The following PVT1 variants were observed in gnomAD, a reference collection of about 807,000 sequenced individuals.
PVT1 encodes the protein CXCR4/PVT1 fusion.
chr8:128,060,905 C>CTT (rs35320355), intron 4 of PVT1, among the ~76,000 whole-genome samples: 6,573 of 123,554 alleles, frequency 0.053, 435 homozygotes, highest in East Asian at 0.18. Context: ...TAGGCAACTA[C>CTT]TTTTTTTTTT....
At chr8:128,063,643 C>T (rs1813860905) in intron 4 of PVT1, among the ~76,000 whole-genome samples, 1 of 152,062 alleles carries the variant, frequency 6.6e-6, no homozygotes, top group South Asian at 2.1e-4. Context: ...TGATCTCACT[C>T]ATATGTGAAA....
At chr8:127,820,848 A>G (rs1225339741) in intron 2 of PVT1, among the ~76,000 whole-genome samples, 1 of 152,068 alleles carries the variant, frequency 6.6e-6, no homozygotes, top group African/African-American at 2.4e-5. Flanking sequence ...TAGCTGGATT[A>G]CAGACATGCA....
chr8:127,918,462 T>A (rs6470590), intron 3 of PVT1, among the ~76,000 whole-genome samples: 1 of 152,096 alleles, frequency 6.6e-6, no homozygotes. Context: ...ATAACATTAC[T>A]ACCAACGACG....
At position 127,965,395 on chromosome 8, in the gene PVT1, TCAGA is replaced by T. The variant is rs538397349; in HGVS notation, n.783-23762_783-23759del. 2.9e-3 allele frequency among the ~76,000 whole-genome samples: 439 copies of T among 152,280 alleles called. 2 individuals are homozygous for T. The highest frequency in any genetic ancestry group is 5.0e-3 in the Non-Finnish European group (337 of 68,024). ...CAGGCTCCCCCTACCCCTCACAGCG[TCAGA>T]CAGAGAGTTTACCATGGGGCTGGAC... On this transcript the variant is annotated intron_variant and non_coding_transcript_variant, in intron 3 of 10. Transcript: ENST00000651587.
chr8:128,072,806 A>G (rs1447641229), intron 5 of PVT1, among the ~76,000 whole-genome samples: 1 of 151,818 alleles, frequency 6.6e-6, no homozygotes, highest in East Asian at 1.9e-4. Context: ...CCACTTGAGC[A>G]CTTTTATTTT....
Position 128,067,953 on chromosome 8 carries a change from GT to G in PVT1, n.913-2194del, listed in dbSNP as rs34269945. On this transcript the variant is annotated intron_variant and non_coding_transcript_variant, in intron 4 of 10. Coordinates refer to ENST00000651587, the Ensembl canonical transcript of PVT1. ...CTATTCTTGGACTAACATACTTTGT[GT>G]TTTTTTTTTTTTGGTTATCTTATTT... Among the ~76,000 whole-genome samples, 136 of 142,644 alleles carry G rather than the reference GT, an allele frequency of 9.5e-4. 1 individual carries two copies. Among genetic ancestry groups the G allele is most frequent in the East Asian group, 2.0e-3 (10 of 4,910 alleles). The allele number at this position is 142,644 out of a possible 152,430, so 93.6% of individuals were successfully genotyped here.
At chr8:127,826,014 C>CTTTTTTTTTT (rs57575268) in intron 2 of PVT1, among the ~76,000 whole-genome samples, 12 of 89,666 alleles carry the variant, frequency 1.3e-4, no homozygotes, top group African/African-American at 2.8e-4. Flanking sequence ...CCATGCCCAG[C>CTTTTTTTTTT]TTTTTTTTTT....
chr8:127,879,866 G>A (rs1372357596), intron 2 of PVT1, among the ~76,000 whole-genome samples: 2 of 152,220 alleles, frequency 1.3e-5, no homozygotes, highest in African/African-American at 2.4e-5. Context: ...TGTGCCCAGC[G>A]CACCCTTCTC....
intron 3 of PVT1, among the ~76,000 whole-genome samples, chr8:127,903,914 T>C (rs960560837): frequency 6.6e-6 from 1 of 152,236 alleles, no homozygotes; most frequent in Admixed American, 6.5e-5. Flanking sequence ...TCAGGCTCTT[T>C]TTTGGTTCCA....
At chr8:128,068,124 A>G (rs1017194862) in intron 4 of PVT1, among the ~76,000 whole-genome samples, 1 of 151,700 alleles carries the variant, frequency 6.6e-6, no homozygotes, top group Non-Finnish European at 1.5e-5. Flanking sequence ...TACATTTTAC[A>G]GGGATGTGTC....
At chr8:127,836,345 A>G (rs552469614) in intron 2 of PVT1, among the ~76,000 whole-genome samples, 3 of 152,266 alleles carry the variant, frequency 2.0e-5, no homozygotes, top group East Asian at 3.9e-4. Context: ...CAGGATGTGC[A>G]GATTTGTTGC....
intron 5 of PVT1, among the ~76,000 whole-genome samples, chr8:128,086,283 G>A (rs967709290): frequency 1.3e-5 from 2 of 152,184 alleles, no homozygotes. Context: ...GATGACACAG[G>A]GAGACCCAGG....
rs77885740 is a variant in PVT1 at position 127,865,769 on chromosome 8, G to T, written n.373-24820G>T. ...TCTGAGTTTGTACTAGTTTGTTCCG[G>T]CAGCCCTAGGAAGTGAATGCAATGG... On this transcript the variant is annotated intron_variant and non_coding_transcript_variant, in intron 2 of 10. Transcript: ENST00000651587. Among the ~76,000 whole-genome samples the T allele has an allele frequency of 4.6e-4, 70 of 152,284 alleles. 1 individual carries two copies. In the South Asian group the frequency reaches 0.011, roughly 23 times the overall value.
intron 2 of PVT1, among the ~76,000 whole-genome samples, chr8:127,880,615 T>C (rs1349406755): frequency 1.1e-4 from 15 of 140,848 alleles, no homozygotes; most frequent in Non-Finnish European, 2.0e-4. Flanking sequence ...TTTTTTTTTT[T>C]TCCGAGATGG....
intron 5 of PVT1, among the ~76,000 whole-genome samples, chr8:128,079,105 CT>C (rs1379633052): frequency 6.7e-6 from 1 of 149,296 alleles, no homozygotes; most frequent in East Asian, 2.0e-4. Context: ...ATTCTGTAAC[CT>C]TTTCAACTAC....
chr8:128,070,941 T>C (rs1161512924), intron 5 of PVT1, among the ~76,000 whole-genome samples: 2 of 152,202 alleles, frequency 1.3e-5, no homozygotes, highest in Non-Finnish European at 2.9e-5. Context: ...AACAGAGTCT[T>C]CTACATCAGA....
chr8:128,040,851 G>A (rs943899964), intron 4 of PVT1, among the ~76,000 whole-genome samples: 1 of 151,682 alleles, frequency 6.6e-6, no homozygotes, highest in Admixed American at 6.6e-5. Flanking sequence ...ATTTGTGCTT[G>A]TGTATTTGTA....
chr8:127,982,651 A>ATAATTAATTAAT (rs35546489), intron 3 of PVT1, among the ~76,000 whole-genome samples: 6 of 145,948 alleles, frequency 4.1e-5, no homozygotes, highest in South Asian at 2.2e-4. Flanking sequence ...CTCTACAAAA[A>ATAATTAATTAAT]TAATTAATTA....
At chr8:128,068,577 A>G (rs1184329666) in intron 4 of PVT1, among the ~76,000 whole-genome samples, 3 of 152,120 alleles carry the variant, frequency 2.0e-5, no homozygotes, top group Admixed American at 6.5e-5. Context: ...GCTCACTGCA[A>G]TCTCCGACTT....
Sources: gnomAD v4.1 joint callset for allele counts (sites outside exome capture counted in the v4.1 genomes callset) on GRCh38, gnomAD v4.1.1 for gene constraint, MANE v1.5 for transcripts, NCBI Gene and HGNC (gene_info 2026-07-23, HGNC 2026-07-21) for gene names.